The following ADAMTS7 variants were observed in gnomAD, a reference collection of about 807,000 sequenced individuals.
The protein encoded by ADAMTS7 is A disintegrin and metalloproteinase with thrombospondin motifs 7.
ADAMTS7 carries 89 observed loss-of-function variants against 172.6 expected under a neutral mutation model. That is an observed-to-expected ratio of 0.52 (90% CI 0.43 to 0.61). The LOEUF (loss-of-function observed/expected upper bound fraction) is 0.61. Ranked by LOEUF, ADAMTS7 falls within the 20% of genes least tolerant of loss-of-function variation. The pLI is 0.00. For synonymous variants in ADAMTS7, 885 were observed against 978.4 expected (o/e 0.90, Z 1.78); for missense variants, 1,973 against 2,355.6 (o/e 0.84, Z 3.36).
chr15:78,778,550 C>T (rs1204009310), intron 8 of ADAMTS7, among the ~76,000 whole-genome samples: 1 of 152,146 alleles, frequency 6.6e-6, no homozygotes, highest in Non-Finnish European at 1.5e-5. Context: ...GGAAGGTTTG[C>T]TGCCTTCTGG....
chr15:78,810,863 A>C (rs2141534342), intron 1 of ADAMTS7: 1 of 343,522 alleles, frequency 2.9e-6, no homozygotes. Context: ...GAAGAGCGGA[A>C]GGGGCTTATT....
chr15:78,763,540 C>T (rs1483562305), intron 22 of ADAMTS7, among the ~76,000 whole-genome samples, 159 bp downstream of exon 22: 1 of 152,266 alleles, frequency 6.6e-6, no homozygotes, highest in Non-Finnish European at 1.5e-5. Context: ...CTGTTTCTCC[C>T]TGGCAGGTGT....
chr15:78,763,916 C>G lies in ADAMTS7; in HGVS notation c.4593+10G>C. The G allele has an allele frequency of 4.5e-6, 7 of 1,552,854 alleles. No individual in the cohort carries two copies. The highest frequency in any genetic ancestry group is 6.1e-6 in the Non-Finnish European group (7 of 1,149,626). On this transcript the variant is annotated intron_variant, in intron 21 of 23. Transcript: ENST00000388820. Reference sequence around the variant, plus strand: ...CGTCCCCTCCCCCCAACTCAACGGCCAGGCCTCACCTCCCTCCAGGAAGAT... The same window carrying G: ...CGTCCCCTCCCCCCAACTCAACGGCGAGGCCTCACCTCCCTCCAGGAAGAT...
rs141843245 is a variant in ADAMTS7 at position 78,762,645 on chromosome 15, G to A, written c.4741-80C>T. 1.0e-3 allele frequency: 1,181 copies of A among 1,154,084 alleles called. 5 individuals carry two copies. The African/African-American group carries it at 0.012, about 11-fold the overall frequency. 71.5% of individuals were successfully genotyped at this position (1,154,084 alleles called of 1,614,324 possible). A position where few individuals can be genotyped will look rare whatever the true frequency, so the allele number is the denominator to read the frequency against. Reference sequence around the variant, plus strand: ...GCAGGGACACCTCCTCTGGGAAGCCGTCCCTGCGCCCTGTGCCTGACTGGC... The same window carrying A: ...GCAGGGACACCTCCTCTGGGAAGCCATCCCTGCGCCCTGTGCCTGACTGGC... On this transcript the variant is annotated intron_variant, in intron 22 of 23. Transcript: ENST00000388820.
At position 78,771,162 on chromosome 15, in the gene ADAMTS7, C is replaced by A; in HGVS notation, c.2518G>T (p.Gly840Cys). The A allele has an allele frequency of 6.2e-7, 1 of 1,605,864 alleles. No individual in the cohort carries two copies. The highest frequency in any genetic ancestry group is 2.2e-5 in the East Asian group (1 of 44,574). Reference sequence around the variant, plus strand: ...GGGCTGTGCCTGCCCCACTTCTCACCTCTGCCGCAGGTGACTGTGCACTTG... The same window carrying A: ...GGGCTGTGCCTGCCCCACTTCTCACATCTGCCGCAGGTGACTGTGCACTTG... ...WTKCTVTCGR[G>C]VQRQNVYCLE... Residue 840 changes from glycine (G) to cysteine (C), a missense_variant and splice_region_variant, in exon 16 of 24, where the codon GGT becomes TGT. Physicochemically the swap from Gly to Cys is radical, Grantham distance 159 (BLOSUM62 -3). Around this residue, in one of 8 missense-constraint regions of ADAMTS7, gnomAD observed 771 missense variants for 952.6 expected, o/e 0.81. Transcript: ENST00000388820. The surrounding 1 kb of genome is among the most constrained non-coding windows in gnomAD (Gnocchi z 4.9).
rs529269045 is a variant in ADAMTS7, at chr15:78,774,263, C to T, written c.1914G>A (p.Glu638=). 991 of 1,579,560 alleles carry T rather than the reference C, an allele frequency of 6.3e-4. 3 individuals carry two copies. The highest frequency in any genetic ancestry group is 8.2e-4 in the Non-Finnish European group (957 of 1,172,142). The change falls in exon 13 of 24, where the codon GAG becomes GAA. Residue 638 remains glutamate (E), a synonymous_variant. Transcript: ENST00000388820. ...PCELHCRPAN[E]YFAEKLRDAV... ...CGTCCCGCAGCTTCTCGGCAAAGTA[C>T]TCATTCGCGGGCCGGCAGTGCAGCT...
intron 4 of ADAMTS7, 101 bp from the exon 5 acceptor site, chr15:78,791,324 G>T (rs1367046116): frequency 1.2e-6 from 1 of 852,114 alleles, no homozygotes; most frequent in African/African-American, 2.1e-5. Context: ...ACGCACACCT[G>T]TGCTCACACA....
In ADAMTS7 at chr15:78,768,115, G is replaced by A; in HGVS notation, c.2645+18C>T. The A allele has an allele frequency of 6.6e-7, 1 of 1,523,808 alleles. No homozygotes were observed. The allele number at this position is 1,523,808 out of a possible 1,614,324, so 94.4% of individuals were successfully genotyped here. On this transcript the variant is annotated intron_variant, in intron 17 of 23. Coordinates refer to ENST00000388820, the MANE Select transcript of ADAMTS7 (RefSeq NM_014272.5). Reference sequence around the variant, plus strand: ...GGGGATGGGGTGGGGAGTTGGCGGGGGATGGGGGCGGGCTCACCTGGCAGG... The same window carrying A: ...GGGGATGGGGTGGGGAGTTGGCGGGAGATGGGGGCGGGCTCACCTGGCAGG...
Position 78,766,090 on chromosome 15 carries a change from C to T in ADAMTS7, c.3821G>A (p.Gly1274Asp). 1 of 1,610,666 alleles carries T rather than the reference C, an allele frequency of 6.2e-7. No individual in the cohort carries two copies. The highest frequency in any genetic ancestry group is 2.2e-5 in the East Asian group (1 of 44,556). ...TTCACTGTCCACAGGCCCCAGGCCACCCTCCAGAGCTGGCTCCCAGGCCAC... is the reference window on the plus strand; with the variant it reads ...TTCACTGTCCACAGGCCCCAGGCCATCCTCCAGAGCTGGCTCCCAGGCCAC... ...GTVAWEPALE[G>D]GLGPVDSELW... Residue 1274 changes from glycine to aspartate, a missense_variant, in exon 19 of 24, where the codon GGT becomes GAT. Transcript: ENST00000388820.
intron 22 of ADAMTS7, among the ~76,000 whole-genome samples, chr15:78,762,786 A>G (rs1055483096): frequency 1.3e-5 from 2 of 152,192 alleles, no homozygotes; most frequent in African/African-American, 4.8e-5. Context: ...CTGCAGAGGG[A>G]AGGGGCGTGA....
At chr15:78,780,360 A>G (rs1451335427) in intron 8 of ADAMTS7, among the ~76,000 whole-genome samples, 1 of 152,146 alleles carries the variant, frequency 6.6e-6, no homozygotes, top group Non-Finnish European at 1.5e-5. Context: ...CACTGACAGG[A>G]GAGACCTGGG....
rs760271837 is a variant in ADAMTS7, at chr15:78,811,161, G to T, written c.60C>A (p.Leu20=). ...GGGCGCCGGGAGCCAGAGCGCAGAG[G>T]AGCAGGAGGAGGGGGCGCAGCAAAG... ...PAPLLRPLLL[L]LCALAPGAPG... Residue 20 remains leucine, a synonymous_variant, in exon 1 of 24, where the codon CTC becomes CTA. Coordinates refer to ENST00000388820, the MANE Select transcript of ADAMTS7 (RefSeq NM_014272.5). 85 of 1,230,062 alleles carry T rather than the reference G, an allele frequency of 6.9e-5. No individual in the cohort carries two copies. Among genetic ancestry groups the T allele is most frequent in the Non-Finnish European group, 8.5e-5 (84 of 986,806 alleles). 76.2% of individuals were successfully genotyped at this position (1,230,062 alleles called of 1,614,324 possible). A position where few individuals can be genotyped will look rare whatever the true frequency, so the allele number is the denominator to read the frequency against.
intron 16 of ADAMTS7, 48 bp from the exon 17 acceptor site, chr15:78,768,307 AC>A: frequency 6.2e-7 from 1 of 1,607,208 alleles, no homozygotes; most frequent in South Asian, 1.1e-5. Flanking sequence ...GGTGCCCACC[AC>A]CCAAGACCCA....
intron 16 of ADAMTS7, among the ~76,000 whole-genome samples, chr15:78,768,721 C>T (rs1435594047): frequency 6.6e-6 from 1 of 152,216 alleles, no homozygotes; most frequent in African/African-American, 2.4e-5. Context: ...CTGCTGTTAG[C>T]ATGCAAACCC....
At chr15:78,782,498 T>A (rs1372177215) in intron 8 of ADAMTS7, among the ~76,000 whole-genome samples, 1 of 151,328 alleles carries the variant, frequency 6.6e-6, no homozygotes, top group Non-Finnish European at 1.5e-5. Context: ...TAGAAAAATA[T>A]GGCATGTTGA....
intron 22 of ADAMTS7, 134 bp downstream of exon 22, chr15:78,763,559 GCCGGGC>G: frequency 8.4e-7 from 1 of 1,186,174 alleles, no homozygotes; most frequent in South Asian, 2.2e-5. Flanking sequence ...GTGAGCACCA[GCCGGGC>G]GGGGCCTCGT....
In ADAMTS7 at chr15:78,777,589, C is replaced by T; in HGVS notation, c.1323-1G>A. ...GTCCAGGCACAGGCCCCACCCACGG[C>T]TAAAGATGGGACGGGAGGATGGAGG... On this transcript the variant is annotated splice_acceptor_variant, in intron 8 of 23. Transcript: ENST00000388820. LOFTEE classifies it high-confidence loss of function. 1 of 1,603,436 alleles carries T rather than the reference C, an allele frequency of 6.2e-7. No individual in the cohort carries two copies. The highest frequency in any genetic ancestry group is 8.5e-7 in the Non-Finnish European group (1 of 1,175,322).
chr15:78,774,577 C>T (rs767332316), intron 12 of ADAMTS7, 47 bp downstream of exon 12: 4 of 1,610,484 alleles, frequency 2.5e-6, no homozygotes, highest in Non-Finnish European at 2.5e-6. Context: ...GACCCACACA[C>T]CCCCAGCCCT....
intron 5 of ADAMTS7, 92 bp downstream of exon 5, chr15:78,791,048 C>G: frequency 6.9e-7 from 1 of 1,450,756 alleles, no homozygotes; most frequent in Non-Finnish European, 9.5e-7. Context: ...CTTCACTGTG[C>G]CCTTCCATAA....
Sources: allele counts gnomAD v4.1 joint callset (sites outside exome capture counted in the v4.1 genomes callset), GRCh38; gene constraint gnomAD v4.1.1; regional missense constraint gnomAD v4.1.1; non-coding constraint Gnocchi (gnomAD v3.1); transcripts MANE v1.5; gene names NCBI Gene and HGNC (gene_info 2026-07-23, HGNC 2026-07-21).